Variants in DPF3 observed in about 807,000 individuals in gnomAD.
The protein encoded by DPF3 is zinc finger protein DPF3.
Under a neutral mutation model 56.8 loss-of-function variants are expected in DPF3, and 18 were observed. The ratio of observed to expected loss-of-function variants is 0.32; its 90% confidence interval spans 0.22 to 0.47. DPF3 has a LOEUF of 0.47. Among genes scored for constraint, DPF3 ranks in the 20% least tolerant of loss-of-function variants. The pLI is 1.00. For synonymous variants in DPF3, 188 were observed against 180.2 expected, an observed-to-expected ratio of 1.04 and a Z score of -0.35; for missense variants, 403 against 488.8, an observed-to-expected ratio of 0.82 and a Z score of 1.65.
intron 1 of DPF3, among the ~76,000 whole-genome samples, chr14:72,863,136 GTA>G (rs1456062725): frequency 3.1e-5 from 4 of 127,296 alleles, no homozygotes; most frequent in African/African-American, 1.3e-4. Context: ...GTGTGTGTGT[GTA>G]TATATATATG....
chr14:72,768,504 T>C (rs1009088172), intron 2 of DPF3, among the ~76,000 whole-genome samples: 2 of 152,202 alleles, frequency 1.3e-5, no homozygotes, highest in Non-Finnish European at 2.9e-5. Context: ...CCAATGTCAG[T>C]TTTTTGGTTT....
At chr14:72,682,169 G>A (rs1432600795) in intron 7 of DPF3, among the ~76,000 whole-genome samples, 3 of 149,236 alleles carry the variant, frequency 2.0e-5, no homozygotes, top group African/African-American at 7.5e-5. Context: ...AGCCAAGATT[G>A]TGCCACTGCA....
In DPF3 at chr14:72,658,590, T is replaced by C. The variant is rs571120914; in HGVS notation, c.871+15650A>G. Among the ~76,000 whole-genome samples, 4 of 152,274 alleles carry C rather than the reference T, an allele frequency of 2.6e-5. No individual in the cohort carries two copies. In the South Asian group the frequency reaches 8.3e-4, roughly 32 times the overall value. ...AGTTCTAAAGAGAAGGTCTTCCAGG[T>C]ACATGCAGAGGAAAAAGAAATGGAT... On this transcript the variant is annotated intron_variant, in intron 8 of 10. Transcript: ENST00000556509.
At chr14:72,830,217 C>G (rs1045378927) in intron 1 of DPF3, among the ~76,000 whole-genome samples, 1 of 152,182 alleles carries the variant, frequency 6.6e-6, no homozygotes, top group Non-Finnish European at 1.5e-5. Flanking sequence ...CAGAGTTCCT[C>G]AACCTCAGAC....
intron 1 of DPF3, among the ~76,000 whole-genome samples, chr14:72,891,138 A>G (rs755348386): frequency 6.6e-6 from 1 of 152,176 alleles, no homozygotes; most frequent in Non-Finnish European, 1.5e-5. Flanking sequence ...TCCCACGTGG[A>G]AAAAGCTAGT....
intron 8 of DPF3, among the ~76,000 whole-genome samples, chr14:72,654,134 C>T (rs758088113): frequency 2.0e-5 from 3 of 152,114 alleles, no homozygotes; most frequent in Non-Finnish European, 4.4e-5. Context: ...GCCCTAATGC[C>T]CTAGTGAATC....
At chr14:72,842,978 A>T (rs961953651) in intron 1 of DPF3, among the ~76,000 whole-genome samples, 1 of 152,038 alleles carries the variant, frequency 6.6e-6, no homozygotes, top group African/African-American at 2.4e-5. Context: ...AGCCGAGATC[A>T]TACCACTGCA....
rs971926810 is a variant in DPF3, at chr14:72,611,262, G to A, written c.*8035C>T. 5.9e-5 allele frequency among the ~76,000 whole-genome samples: 9 copies of A among 152,224 alleles called. No homozygotes were observed. Among genetic ancestry groups the A allele is most frequent in the Non-Finnish European group, 8.8e-5 (6 of 68,042 alleles). On this transcript the variant is annotated 3_prime_UTR_variant, in exon 11 of 11. Transcript: ENST00000556509. The stretch of plus-strand genomic sequence containing the variant: ...CAAAGCTGAAATCTGGCTGTGACAC[G>A]TGTGGAGAAAAGGAAAGATGAAACA...
intron 2 of DPF3, among the ~76,000 whole-genome samples, chr14:72,765,934 A>G (rs1891267184): frequency 6.6e-6 from 1 of 152,206 alleles, no homozygotes; most frequent in South Asian, 2.1e-4. Context: ...AAAAGGGAGT[A>G]TACAGTGTGT....
chr14:72,620,225 G>A (rs924573275), intron 9 of DPF3, among the ~76,000 whole-genome samples: 4 of 151,938 alleles, frequency 2.6e-5, no homozygotes, highest in African/African-American at 4.8e-5. Context: ...TGCTCAACTC[G>A]TACCTCCTCC....
intron 5 of DPF3, among the ~76,000 whole-genome samples, chr14:72,715,505 G>A (rs1052667332): frequency 1.2e-4 from 19 of 152,252 alleles, no homozygotes; most frequent in Non-Finnish European, 1.9e-4. Flanking sequence ...GGCAGCAGGT[G>A]AGGAATAAGA....
chr14:72,677,781 C>T (rs1886977905), intron 7 of DPF3, among the ~76,000 whole-genome samples: 1 of 152,148 alleles, frequency 6.6e-6, no homozygotes, highest in Admixed American at 6.5e-5. Context: ...ATGGCCAGCT[C>T]CCAGAGTACA....
chr14:72,876,789 GCTGT>G (rs1367864242), intron 1 of DPF3, among the ~76,000 whole-genome samples: 1 of 152,206 alleles, frequency 6.6e-6, no homozygotes, highest in Non-Finnish European at 1.5e-5. Flanking sequence ...CACAGGAACT[GCTGT>G]CTGTCTTCCA....
intron 6 of DPF3, among the ~76,000 whole-genome samples, chr14:72,708,469 G>A (rs1454377710): frequency 2.0e-5 from 3 of 152,140 alleles, no homozygotes; most frequent in African/African-American, 7.2e-5. Context: ...ACTGAGTGAT[G>A]AGCCCAGCTT....
At chr14:72,622,155 T>G (rs1028648969) in intron 9 of DPF3, among the ~76,000 whole-genome samples, 1 of 152,180 alleles carries the variant, frequency 6.6e-6, no homozygotes, top group African/African-American at 2.4e-5. Context: ...TAGGTAGAAA[T>G]GTACATTTTT....
intron 9 of DPF3, among the ~76,000 whole-genome samples, chr14:72,627,455 T>A (rs1218541007): frequency 1.3e-5 from 2 of 152,098 alleles, no homozygotes; most frequent in Non-Finnish European, 2.9e-5. Flanking sequence ...TATACTGTAT[T>A]TCCATATGTA....
rs780577141 is a variant in DPF3, at chr14:72,674,259, G to A, written c.852C>T (p.Cys284=). 1.1e-5 allele frequency: 17 copies of A among 1,612,682 alleles called. No individual in the cohort carries two copies. The highest frequency in any genetic ancestry group is 4.5e-5 in the East Asian group (2 of 44,838). ...ACTCACCAGAGCGTCCACAGTCTGC[G>A]CAGGACACCAGCTCTTCAGGCCGCC... The part of the protein sequence containing the change: ...KSGRPEELVS[C]ADCGRSGHPT... The change falls in exon 8 of 11, where the codon TGC becomes TGT. Residue 284 remains cysteine (C), a synonymous_variant. Transcript: ENST00000556509.
intron 8 of DPF3, among the ~76,000 whole-genome samples, chr14:72,638,917 C>T (rs992633082): frequency 1.1e-4 from 16 of 150,512 alleles, no homozygotes; most frequent in Admixed American, 2.7e-4. Context: ...CCTGGATTGA[C>T]GCCATTCTCC....
chr14:72,641,751 T>C (rs1885571660), intron 8 of DPF3, among the ~76,000 whole-genome samples: 1 of 152,270 alleles, frequency 6.6e-6, no homozygotes, highest in African/African-American at 2.4e-5. Flanking sequence ...TCCTCCTCTT[T>C]TCAAGAAGTG....
Sources: allele counts gnomAD v4.1 joint callset (sites outside exome capture counted in the v4.1 genomes callset), GRCh38; gene constraint gnomAD v4.1.1; transcripts MANE v1.5; gene names NCBI Gene and HGNC (gene_info 2026-07-23, HGNC 2026-07-21).